Variants in THAP4 observed in about 807,000 individuals in gnomAD.
THAP4 encodes peroxynitrite isomerase THAP4.
In THAP4, 18 loss-of-function variants were observed where a neutral mutation model predicts 48.1. That is an observed-to-expected ratio of 0.37 (90% confidence interval 0.26 to 0.56). The LOEUF (loss-of-function observed/expected upper bound fraction) is 0.56, where lower values mean the gene tolerates loss of function less well. Ranked by LOEUF, THAP4 falls within the 20% of genes least tolerant of loss-of-function variation. The probability of loss-of-function intolerance (pLI) is 0.78; values close to 1 mark genes in which losing one functional copy is unlikely to be tolerated. For missense variants in THAP4, 656 were observed against 774.9 expected (o/e 0.85, Z 1.82); for synonymous variants, 345 against 324.9 (o/e 1.06, Z -0.66).
intron 2 of THAP4, among the ~76,000 whole-genome samples, chr2:241,626,165 C>A (rs910374744): frequency 7.9e-5 from 12 of 152,164 alleles, no homozygotes; most frequent in Admixed American, 7.2e-4. Flanking sequence ...AAAAAAACTA[C>A]AGCTTGGTGG....
chr2:241,599,925 C>G (rs577273199), intron 5 of THAP4, among the ~76,000 whole-genome samples: 2 of 152,066 alleles, frequency 1.3e-5, no homozygotes, highest in African/African-American at 2.4e-5. Flanking sequence ...GAAAGACAAA[C>G]GAGGCTGGGC....
At chr2:241,627,168 C>A (rs1402511488) in intron 2 of THAP4, among the ~76,000 whole-genome samples, 1 of 152,180 alleles carries the variant, frequency 6.6e-6, no homozygotes, top group Admixed American at 6.5e-5. Flanking sequence ...AAGTTACGAA[C>A]CAATACTGAT....
intron 1 of THAP4, among the ~76,000 whole-genome samples, chr2:241,635,565 C>A (rs1305590564): frequency 6.6e-6 from 1 of 151,956 alleles, no homozygotes; most frequent in African/African-American, 2.4e-5. Context: ...GGCCAGAGTT[C>A]GAGACCAGCC....
chr2:241,593,118 G>A (rs1030784958), intron 5 of THAP4, among the ~76,000 whole-genome samples: 2 of 152,120 alleles, frequency 1.3e-5, no homozygotes, highest in African/African-American at 2.4e-5. Context: ...GGTGGTAAAC[G>A]CCTGTAGTCT....
rs2125076084 is a variant in THAP4, at chr2:241,601,810, A to G, written c.1614+86T>C. 3 of 1,577,542 alleles carry G rather than the reference A, an allele frequency of 1.9e-6. No individual in the cohort carries two copies. Among genetic ancestry groups the G allele is most frequent in the African/African-American group, 2.7e-5 (2 of 74,524 alleles). On this transcript the variant is annotated intron_variant, in intron 5 of 5. Coordinates refer to ENST00000407315, the MANE Select transcript of THAP4 (RefSeq NM_015963.6). This position sits in a 1 kb window ranked among gnomAD's most constrained non-coding sequence, Gnocchi z 4.0. ...TGTGAGACACAGTGGCAAGACACGC[A>G]CTACCTCACGGAAGAGGAAGAGGCT...
At chr2:241,623,971 C>T (rs1220664551) in intron 2 of THAP4, among the ~76,000 whole-genome samples, 3 of 152,144 alleles carry the variant, frequency 2.0e-5, no homozygotes, top group African/African-American at 4.8e-5. Context: ...AACTGGAGTT[C>T]GTGCACATCC....
chr2:241,612,789 C>T lies in THAP4; in HGVS notation c.1241-6316G>A, dbSNP rs892067988. Among the ~76,000 whole-genome samples, 8 of 152,236 alleles carry T rather than the reference C, an allele frequency of 5.3e-5. No individual in the cohort carries two copies. The highest frequency in any genetic ancestry group is 1.9e-4 in the African/African-American group (8 of 41,542). ...TGTGGCAGAAGACGCTAGAGTCACA[C>T]GTAGAAGGCGCATGAGGAGGGAAGG... On this transcript the variant is annotated intron_variant, in intron 2 of 5. Coordinates refer to ENST00000407315, the MANE Select transcript of THAP4 (RefSeq NM_015963.6). The surrounding 1 kb of genome is among the most constrained non-coding windows in gnomAD (Gnocchi z 4.1).
intron 5 of THAP4, among the ~76,000 whole-genome samples, chr2:241,586,916 G>C (rs1308218220): frequency 2.0e-5 from 3 of 152,150 alleles, no homozygotes; most frequent in African/African-American, 7.2e-5. Context: ...AAAGACAACA[G>C]AACACAAGCA....
chr2:241,588,599 AAG>A (rs1296712660), intron 5 of THAP4, among the ~76,000 whole-genome samples: 1 of 152,246 alleles, frequency 6.6e-6, no homozygotes, highest in Non-Finnish European at 1.5e-5. Context: ...AGTGGGACAG[AAG>A]AGAGAGTCCT....
At chr2:241,621,241 G>A (rs1410036844) in intron 2 of THAP4, among the ~76,000 whole-genome samples, 1 of 152,020 alleles carries the variant, frequency 6.6e-6, no homozygotes, top group Non-Finnish European at 1.5e-5. Context: ...CCATCTACTC[G>A]GGAGGCTGAG....
rs2067588533 is a variant in THAP4 at position 241,633,175 on chromosome 2, T to C, written c.982A>G (p.Ile328Val). The C allele has an allele frequency of 1.9e-6, 3 of 1,609,064 alleles. No individual in the cohort carries two copies. The highest frequency in any genetic ancestry group is 1.7e-6 in the Non-Finnish European group (2 of 1,176,890). ...SEHSDASPMS[I>V]NEVILSASGA... ...GACGCCGACAGGATGACCTCGTTGA[T>C]GGACATGGGGCTGGCGTCGCTGTGC... Residue 328 changes from isoleucine to valine, a missense_variant, in exon 2 of 6, where the codon ATC becomes GTC. By Grantham distance (29) the Ile-to-Val change is conservative. This residue lies in a region of THAP4 where 391 missense variants were observed against 412.4 expected (regional missense o/e 0.95). Coordinates refer to ENST00000407315, the MANE Select transcript of THAP4 (RefSeq NM_015963.6). This position sits in a 1 kb window ranked among gnomAD's most constrained non-coding sequence, Gnocchi z 7.5.
chr2:241,630,054 A>T (rs1339966067), intron 2 of THAP4, among the ~76,000 whole-genome samples: 1 of 152,194 alleles, frequency 6.6e-6, no homozygotes, highest in Non-Finnish European at 1.5e-5. Flanking sequence ...CAAAAAGCAG[A>T]ACTCCTTCAG....
In THAP4 at chr2:241,584,867, C is replaced by T; in HGVS notation, c.1615-142G>A. ...CTGCCAGAGGAGGGTAGACACACAGCCCAGGGCCCCTGGGCATGTCACAAT... is the reference window on the plus strand; with the variant it reads ...CTGCCAGAGGAGGGTAGACACACAGTCCAGGGCCCCTGGGCATGTCACAAT... On this transcript the variant is annotated intron_variant, in intron 5 of 5. Coordinates refer to ENST00000407315, the MANE Select transcript of THAP4 (RefSeq NM_015963.6). 14 of 1,018,754 alleles carry T rather than the reference C, an allele frequency of 1.4e-5. 1 individual carries two copies. In the South Asian group the frequency reaches 2.1e-4, roughly 15 times the overall value. 63.1% of individuals were successfully genotyped at this position (1,018,754 alleles called of 1,614,324 possible).
chr2:241,620,560 A>G (rs1236278565), intron 2 of THAP4, among the ~76,000 whole-genome samples: 1 of 91,754 alleles, frequency 1.1e-5, no homozygotes, highest in African/African-American at 4.4e-5. Flanking sequence ...GTGAGTCAGG[A>G]GTGAGTGAGT....
chr2:241,633,787 C>T lies in THAP4; in HGVS notation c.370G>A (p.Ala124Thr). ...GHSSAATSRG[A>T]AGWSPSSSGN... is the part of the protein sequence containing the mutation. ...CTCGAGGACGGTGACCAACCTGCAG[C>T]TCCTCTGCTGGTGGCGGCACTCGAG... The change falls in exon 2 of 6, where the codon GCT becomes ACT. Residue 124 changes from alanine to threonine, a missense_variant. Physicochemically the swap from Ala to Thr is moderately conservative, Grantham distance 58. This residue lies in a region of THAP4 where 391 missense variants were observed against 412.4 expected (regional missense o/e 0.95). Transcript: ENST00000407315. This position sits in a 1 kb window ranked among gnomAD's most constrained non-coding sequence, Gnocchi z 7.5. The T allele has an allele frequency of 1.9e-6, 3 of 1,613,736 alleles. No homozygotes were observed. Among genetic ancestry groups the T allele is most frequent in the Non-Finnish European group, 8.5e-7 (1 of 1,179,704 alleles).
At chr2:241,622,267 A>AG (rs1408905348) in intron 2 of THAP4, among the ~76,000 whole-genome samples, 15 of 152,156 alleles carry the variant, frequency 9.9e-5, no homozygotes, top group African/African-American at 3.6e-4. Context: ...TAGAAGGCTG[A>AG]GGCAGGAGAA....
chr2:241,594,486 A>G (rs2067024730), intron 5 of THAP4: 1 of 193,808 alleles, frequency 5.2e-6, no homozygotes, highest in Admixed American at 5.2e-5. Flanking sequence ...GCATCTTGGG[A>G]GGCCCAGGTG....
At chr2:241,634,909 G>A (rs1203661643) in intron 1 of THAP4, among the ~76,000 whole-genome samples, 2 of 152,238 alleles carry the variant, frequency 1.3e-5, no homozygotes, top group African/African-American at 4.8e-5. Flanking sequence ...AACAAACACT[G>A]CATGATACCA....
chr2:241,608,908 A>G (rs2067224779), intron 2 of THAP4, among the ~76,000 whole-genome samples: 1 of 152,234 alleles, frequency 6.6e-6, no homozygotes, highest in Non-Finnish European at 1.5e-5. Flanking sequence ...AGAAGAGCAG[A>G]CCAGGTGGAA....
Sources: allele counts gnomAD v4.1 joint callset (sites outside exome capture counted in the v4.1 genomes callset), GRCh38; gene constraint gnomAD v4.1.1; regional missense constraint gnomAD v4.1.1; non-coding constraint Gnocchi (gnomAD v3.1); transcripts MANE v1.5; gene names NCBI Gene and HGNC (gene_info 2026-07-23, HGNC 2026-07-21).